The following BAZ2B variants were observed in gnomAD, a reference collection of about 807,000 sequenced individuals.
BAZ2B encodes the protein bromodomain adjacent to zinc finger domain protein 2B.
Under a neutral mutation model 246.0 loss-of-function variants are expected in BAZ2B, and 91 were observed. That is an observed-to-expected ratio of 0.37 (90% CI 0.31 to 0.44). BAZ2B has a LOEUF of 0.44. BAZ2B is among the 20% of genes least tolerant of loss of function. The pLI is 1.00. For synonymous variants in BAZ2B, 855 were observed against 860.0 expected, an observed-to-expected ratio of 0.99 and a Z score of 0.10; for missense variants, 2,332 against 2,533.7, an observed-to-expected ratio of 0.92 and a Z score of 1.71.
At chr2:159,634,902 T>C in the BAZ2B span, among the ~76,000 whole-genome samples, 9 of 152,152 alleles carry the variant, frequency 5.9e-5, no homozygotes, top group Non-Finnish European at 7.3e-5. Flanking sequence ...ATATATTTAA[T>C]GAAGAGACAA....
the BAZ2B span, among the ~76,000 whole-genome samples, chr2:159,654,772 C>G: frequency 6.6e-6 from 1 of 152,094 alleles, no homozygotes; most frequent in Non-Finnish European, 1.5e-5. Context: ...CAAGACCAGC[C>G]TGGGCAACAT....
At position 159,404,845 on chromosome 2, in the gene BAZ2B, A is replaced by G; in HGVS notation, c.2832+4T>C. The stretch of plus-strand genomic sequence containing the variant: ...TAAAAGTCACTTCCAATGTATACAC[A>G]TACCTGCTGTTTCATAATCTTTATC... On this transcript the variant is annotated splice_donor_region_variant and intron_variant, in intron 16 of 36. Transcript: ENST00000392783. 1 of 1,611,136 alleles carries G rather than the reference A, an allele frequency of 6.2e-7. No homozygotes were observed. Among genetic ancestry groups the G allele is most frequent in the South Asian group, 1.1e-5 (1 of 90,998 alleles).
chr2:159,339,315 T>C (rs2052433), intron 31 of BAZ2B, among the ~76,000 whole-genome samples: 144,702 of 152,152 alleles, frequency 0.95, 69,261 homozygotes, highest in East Asian at 1. Flanking sequence ...AGATAGTTCC[T>C]GTGGCAAGAG....
chr2:159,585,482 A>C (rs774921441), intron 1 of BAZ2B, among the ~76,000 whole-genome samples: 1 of 152,226 alleles, frequency 6.6e-6, no homozygotes, highest in East Asian at 1.9e-4. Context: ...ATTTATATGC[A>C]TATGTATTTT....
At chr2:159,619,192 T>G (rs879326130), upstream of BAZ2B, among the ~76,000 whole-genome samples, 1 of 151,928 alleles carries the variant, frequency 6.6e-6, no homozygotes, top group Non-Finnish European at 1.5e-5. Context: ...AATTCAAAAA[T>G]TTTTATAAGA....
intron 2 of BAZ2B, among the ~76,000 whole-genome samples, chr2:159,488,112 T>C (rs1480256260): frequency 2.0e-5 from 3 of 152,148 alleles, no homozygotes; most frequent in Admixed American, 2.0e-4. Flanking sequence ...CTCACTCTGT[T>C]GCTCAGGCTG....
intron 2 of BAZ2B, among the ~76,000 whole-genome samples, chr2:159,533,479 T>C (rs1172329681): frequency 1.3e-5 from 2 of 152,198 alleles, no homozygotes; most frequent in African/African-American, 4.8e-5. Flanking sequence ...TTCATCATTA[T>C]TTTCAGCTTT....
chr2:159,408,471 C>T (rs921216564), intron 14 of BAZ2B, among the ~76,000 whole-genome samples: 1 of 152,078 alleles, frequency 6.6e-6, no homozygotes, highest in Non-Finnish European at 1.5e-5. Flanking sequence ...CTGTGTCTGG[C>T]CAGTAATTTA....
chr2:159,501,163 TATA>T (rs1337673414), intron 2 of BAZ2B, among the ~76,000 whole-genome samples: 12 of 105,944 alleles, frequency 1.1e-4, no homozygotes, highest in Admixed American at 3.8e-4. Flanking sequence ...TATATAAATA[TATA>T]ATATATATTA....
At chr2:159,328,051 T>TGAGACTCAG (rs2063986462) in intron 34 of BAZ2B, among the ~76,000 whole-genome samples, 1 of 117,248 alleles carries the variant, frequency 8.5e-6, no homozygotes, top group Admixed American at 1.2e-4. Flanking sequence ...GGTGATGGAA[T>TGAGACTCAG]GAGACTCAGC....
the BAZ2B span, among the ~76,000 whole-genome samples, chr2:159,708,399 T>G: frequency 6.6e-6 from 1 of 152,192 alleles, no homozygotes; most frequent in South Asian, 2.1e-4. Context: ...TGGGGATTAT[T>G]CCTGGTGAGG....
At chr2:159,357,648 C>T (rs963976724) in intron 27 of BAZ2B, among the ~76,000 whole-genome samples, 1 of 152,020 alleles carries the variant, frequency 6.6e-6, no homozygotes, top group African/African-American at 2.4e-5. Context: ...AGAGCAACCC[C>T]AAGACACACA....
chr2:159,453,554 G>T, intron 4 of BAZ2B, 59 bp downstream of exon 4: 2 of 1,475,502 alleles, frequency 1.4e-6, no homozygotes, highest in South Asian at 1.5e-5. Flanking sequence ...ACAAATTATT[G>T]CTTGAACATT....
At chr2:159,333,121 A>T (rs2065054498) in intron 33 of BAZ2B, 1 of 152,546 alleles carries the variant, frequency 6.6e-6, no homozygotes, top group Non-Finnish European at 1.5e-5. Flanking sequence ...GTATTTTTTA[A>T]AATCAAAATT....
intron 16 of BAZ2B, chr2:159,404,365 G>A (rs1209777379): frequency 1.4e-5 from 2 of 143,972 alleles, no homozygotes; most frequent in East Asian, 4.0e-4. Context: ...AAATAATGCT[G>A]TCATCATTTT....
At chr2:159,396,853 CCTTATTTAAGG>C (rs1273760172) in intron 19 of BAZ2B, among the ~76,000 whole-genome samples, 10 of 151,970 alleles carry the variant, frequency 6.6e-5, no homozygotes, top group Non-Finnish European at 1.2e-4. Context: ...TAGAGAGCAG[CCTTATTTAAGG>C]CTTGTACAAT....
At chr2:159,626,123 A>C in the BAZ2B span, among the ~76,000 whole-genome samples, 1 of 152,214 alleles carries the variant, frequency 6.6e-6, no homozygotes, top group Non-Finnish European at 1.5e-5. Context: ...CAACAAGAGG[A>C]GGTAACTATC....
intron 2 of BAZ2B, among the ~76,000 whole-genome samples, chr2:159,513,503 C>G (rs2083137369): frequency 1.3e-5 from 2 of 152,180 alleles, no homozygotes; most frequent in African/African-American, 2.4e-5. Context: ...AAGTCAAAGT[C>G]CTGATTCTTC....
intron 1 of BAZ2B, among the ~76,000 whole-genome samples, chr2:159,591,735 A>G (rs1465550508): frequency 6.6e-6 from 1 of 152,216 alleles, no homozygotes; most frequent in Non-Finnish European, 1.5e-5. Context: ...AACAGAAACC[A>G]GAAATCACCA....
Sources: gnomAD v4.1 joint callset for allele counts (sites outside exome capture counted in the v4.1 genomes callset) on GRCh38, gnomAD v4.1.1 for gene constraint, MANE v1.5 for transcripts, NCBI Gene and HGNC (gene_info 2026-07-23, HGNC 2026-07-21) for gene names.